Variants in NRXN3 observed in about 807,000 individuals in gnomAD.
NRXN3 encodes neurexin 3, also known as neurexin III.
Under a neutral mutation model 137.6 loss-of-function variants are expected in NRXN3, and 32 were observed. The ratio of observed to expected loss-of-function variants is 0.23; its 90% CI spans 0.18 to 0.31. The LOEUF is 0.31. Among genes scored for constraint, NRXN3 ranks in the 10% least tolerant of loss-of-function variants. The pLI is 1.00. For synonymous variants in NRXN3, 798 were observed against 784.5 expected, an observed-to-expected ratio of 1.02 and a Z score of -0.29; for missense variants, 1,574 against 2,062.5, an observed-to-expected ratio of 0.76 and a Z score of 4.59.
rs544835078 is a variant in NRXN3 at position 78,266,593 on chromosome 14, A to G, written c.710-12052A>G. Among the ~76,000 whole-genome samples, 9 of 152,196 alleles carry G rather than the reference A, an allele frequency of 5.9e-5. No individual in the cohort carries two copies. In the East Asian group the frequency reaches 1.2e-3, roughly 20 times the overall value. ...ATTACAAGCATGAGCCACCAAGCCC[A>G]GCCTAATCTCTGTGTTTCTTGGAAG... On this transcript the variant is annotated intron_variant, in intron 2 of 20. Transcript: ENST00000335750.
chr14:79,789,234 G>C (rs2099138134), intron 19 of NRXN3, among the ~76,000 whole-genome samples: 1 of 152,084 alleles, frequency 6.6e-6, no homozygotes. Context: ...AGGGAGTCTG[G>C]GTAGGGAATT....
intron 15 of NRXN3, among the ~76,000 whole-genome samples, chr14:79,248,414 T>C (rs77370285): frequency 0.057 from 8,636 of 152,200 alleles, 664 homozygotes; most frequent in African/African-American, 0.17. Flanking sequence ...CTCTTCCCTG[T>C]TTGCTGCCAT....
chr14:78,968,111 C>T, intron 13 of NRXN3, 62 bp from the exon 14 acceptor site: 1 of 760,846 alleles, frequency 1.3e-6, no homozygotes, highest in East Asian at 7.9e-5. Context: ...GTGTATCAAA[C>T]TAGTTGACAT....
rs902685496 is a variant in NRXN3, at chr14:79,299,442, A to G, written c.3263-167779A>G. On this transcript the variant is annotated intron_variant, in intron 15 of 20. Transcript: ENST00000335750. ...TCTGCCTCAACAACTACTCAACACT[A>G]CCACTGTAATGTCAATGCAACTACA... Among the ~76,000 whole-genome samples the G allele has an allele frequency of 3.3e-5, 5 of 152,224 alleles. No individual in the cohort carries two copies. In the East Asian group the frequency reaches 9.7e-4, roughly 29 times the overall value.
chr14:79,470,996 G>A (rs911140997), intron 16 of NRXN3, among the ~76,000 whole-genome samples: 1 of 112,030 alleles, frequency 8.9e-6, no homozygotes, highest in African/African-American at 3.5e-5. Flanking sequence ...GTGTGTGTGT[G>A]TTGGGGAGAA....
intron 17 of NRXN3, among the ~76,000 whole-genome samples, chr14:79,668,493 C>T (rs1033535382): frequency 3.3e-5 from 5 of 152,130 alleles, no homozygotes; most frequent in Admixed American, 3.3e-4. Context: ...AGAGCCAACA[C>T]TTTTCTATCC....
At chr14:78,519,202 CATT>C (rs1449102717) in intron 4 of NRXN3, among the ~76,000 whole-genome samples, 1 of 152,042 alleles carries the variant, frequency 6.6e-6, no homozygotes, top group Non-Finnish European at 1.5e-5. Context: ...AGGATTGGGT[CATT>C]TTGTAGTTAT....
chr14:79,679,833 A>G (rs2098660678), intron 17 of NRXN3, among the ~76,000 whole-genome samples: 1 of 152,196 alleles, frequency 6.6e-6, no homozygotes, highest in Non-Finnish European at 1.5e-5. Context: ...CCTAATTTTA[A>G]AAAATGCTAT....
intron 4 of NRXN3, among the ~76,000 whole-genome samples, chr14:78,562,421 A>AG (rs1312838842): frequency 2.0e-5 from 3 of 148,056 alleles, no homozygotes; most frequent in African/African-American, 7.6e-5. Flanking sequence ...AAAAAAAAAA[A>AG]GTGCTGAGGC....
chr14:78,961,860 A>G (rs17758002), intron 11 of NRXN3, among the ~76,000 whole-genome samples: 11,885 of 152,216 alleles, frequency 0.078, 732 homozygotes, highest in Admixed American at 0.1. Flanking sequence ...TCGTCACTCT[A>G]AGAGCTGGTT....
At chr14:78,774,735 TAGTG>T (rs2098739550) in intron 8 of NRXN3, among the ~76,000 whole-genome samples, 1 of 152,078 alleles carries the variant, frequency 6.6e-6, no homozygotes, top group Admixed American at 6.5e-5. Flanking sequence ...TTGGGCAACA[TAGTG>T]AGACCCTTGT....
intron 10 of NRXN3, among the ~76,000 whole-genome samples, chr14:78,891,084 A>T (rs2099157557): frequency 6.6e-6 from 1 of 151,932 alleles, no homozygotes; most frequent in South Asian, 2.1e-4. Flanking sequence ...GTGACTTCAG[A>T]TGGTAACTGG....
chr14:78,778,697 T>TC (rs1491357730), intron 8 of NRXN3, among the ~76,000 whole-genome samples: 50 of 146,244 alleles, frequency 3.4e-4, no homozygotes, highest in Middle Eastern at 3.7e-3. Context: ...TTTCTTTCTT[T>TC]CTTTCTTTCT....
intron 10 of NRXN3, among the ~76,000 whole-genome samples, chr14:78,883,611 T>C (rs1286389136): frequency 1.3e-5 from 2 of 152,236 alleles, no homozygotes. Flanking sequence ...TCTATTGGTA[T>C]TGGGTTGTCC....
intron 10 of NRXN3, among the ~76,000 whole-genome samples, chr14:78,889,916 C>CT (rs1253687404): frequency 2.0e-5 from 3 of 151,996 alleles, no homozygotes; most frequent in African/African-American, 7.2e-5. Flanking sequence ...CCAGTGAAAA[C>CT]TATCTTTGTA....
chr14:78,994,275 C>T (rs945877077), intron 15 of NRXN3, among the ~76,000 whole-genome samples: 12 of 152,166 alleles, frequency 7.9e-5, no homozygotes, highest in African/African-American at 2.9e-4. Flanking sequence ...TAACATTCTG[C>T]ATGTTTCCTT....
intron 15 of NRXN3, among the ~76,000 whole-genome samples, chr14:79,090,739 A>G (rs540232835): frequency 5.9e-5 from 9 of 152,190 alleles, no homozygotes; most frequent in African/African-American, 1.7e-4. Flanking sequence ...CCCACACTAC[A>G]TAATGCATAG....
intron 15 of NRXN3, among the ~76,000 whole-genome samples, chr14:79,127,556 C>A (rs2056739087): frequency 6.6e-6 from 1 of 152,136 alleles, no homozygotes. Flanking sequence ...GGTACCAGTA[C>A]CATGCTGTTT....
chr14:78,177,154 T>C (rs2059349816), intron 1 of NRXN3, among the ~76,000 whole-genome samples: 1 of 152,158 alleles, frequency 6.6e-6, no homozygotes, highest in African/African-American at 2.4e-5. Context: ...TCTGGGAGCC[T>C]GTCACTTCTC....
Sources: gnomAD v4.1 joint callset for allele counts (sites outside exome capture counted in the v4.1 genomes callset) on GRCh38, gnomAD v4.1.1 for gene constraint, MANE v1.5 for transcripts, NCBI Gene and HGNC (gene_info 2026-07-23, HGNC 2026-07-21) for gene names.